BACH1: variants seen among roughly 807,000 people sequenced by gnomAD.
BACH1 encodes BTB domain and CNC homolog 1, also known as transcription regulator protein BACH1.
Under a neutral mutation model 52.9 loss-of-function variants are expected in BACH1, and 35 were observed. That is an observed-to-expected ratio of 0.66 (90% confidence interval 0.51 to 0.88). The LOEUF (loss-of-function observed/expected upper bound fraction) is 0.88, where lower values mean the gene tolerates loss of function less well. BACH1 is among the 40% of genes least tolerant of loss of function. The pLI, the probability that BACH1 is intolerant of heterozygous loss-of-function variation, is 0.00. For synonymous variants in BACH1, 321 were observed against 319.6 expected (o/e 1.00, Z -0.05); for missense variants, 808 against 872.6 (o/e 0.93, Z 0.93).
chr21:29,351,589 C>T (rs1405041054), intron 2 of BACH1: 1 of 534,256 alleles, frequency 1.9e-6, no homozygotes, highest in East Asian at 5.4e-5. Context: ...TAGAAGACCT[C>T]ATCTATTATG....
At chr21:29,333,388 G>T (rs1012278389) in intron 4 of BACH1, among the ~76,000 whole-genome samples, 1 of 152,200 alleles carries the variant, frequency 6.6e-6, no homozygotes, top group African/African-American at 2.4e-5. Flanking sequence ...TAATCTCATT[G>T]AGATGTTACT....
intron 2 of BACH1, among the ~76,000 whole-genome samples, chr21:29,356,118 A>G (rs1194943254): frequency 5.9e-5 from 9 of 152,190 alleles, no homozygotes; most frequent in African/African-American, 2.2e-4. Context: ...AAGTGGATAT[A>G]CTGGCTATTC....
intron 1 of BACH1, among the ~76,000 whole-genome samples, chr21:29,301,637 G>C (rs1425762822): frequency 3.9e-5 from 6 of 152,210 alleles, no homozygotes; most frequent in Non-Finnish European, 8.8e-5. Context: ...AAGCCCAGCG[G>C]TTGGTTTAAT....
chr21:29,313,058 A>G (rs1232726411), intron 1 of BACH1, among the ~76,000 whole-genome samples: 2 of 152,220 alleles, frequency 1.3e-5, no homozygotes, highest in Non-Finnish European at 2.9e-5. Context: ...AGGCAGGATT[A>G]AAAAGATGAC....
chr21:29,342,318 C>G, intron 4 of BACH1, 81 bp from the exon 5 acceptor site: 1 of 1,337,180 alleles, frequency 7.5e-7, no homozygotes, highest in Admixed American at 2.1e-5. Context: ...TGAGAAGCCC[C>G]TGTATATTAT....
chr21:29,326,885 C>T lies in BACH1; in HGVS notation c.1061C>T (p.Thr354Ile). The T allele has an allele frequency of 1.2e-6, 2 of 1,614,198 alleles. No homozygotes were observed. Among genetic ancestry groups the T allele is most frequent in the Non-Finnish European group, 1.7e-6 (2 of 1,180,036 alleles). The change falls in exon 3 of 5, where the codon ACA becomes ATA. Residue 354 changes from threonine to isoleucine, a missense_variant. Physicochemically the swap from Thr to Ile is moderately conservative, Grantham distance 89. Transcript: ENST00000286800. ...TTAACAGAAAAGCCTTTGTCAGGTA[C>T]AGACGTCCAAGAAAAAACATTTGGT... ...TVLTEKPLSG[T>I]DVQEKTFGES...
chr21:29,353,032 A>G (rs758384442), intron 2 of BACH1, among the ~76,000 whole-genome samples: 6 of 152,042 alleles, frequency 3.9e-5, no homozygotes, highest in Non-Finnish European at 5.9e-5. Flanking sequence ...TATTTTTAGT[A>G]GAGATGGGGT....
chr21:29,303,875 G>T (rs2088627622), intron 1 of BACH1, among the ~76,000 whole-genome samples: 1 of 152,212 alleles, frequency 6.6e-6, no homozygotes, highest in South Asian at 2.1e-4. Context: ...TGAGGAAGAA[G>T]AAATAGTGGT....
At chr21:29,342,299 C>G in intron 4 of BACH1, 100 bp from the exon 5 acceptor site, 1 of 1,184,878 alleles carries the variant, frequency 8.4e-7, no homozygotes, top group Non-Finnish European at 1.2e-6. Flanking sequence ...TCCATGTGAT[C>G]TTACTTGATG....
At chr21:29,304,563 T>A (rs2088635135) in intron 1 of BACH1, among the ~76,000 whole-genome samples, 1 of 152,200 alleles carries the variant, frequency 6.6e-6, no homozygotes, top group Non-Finnish European at 1.5e-5. Flanking sequence ...TAAAAAAGGT[T>A]TTCAATTCCT....
intron 1 of BACH1, among the ~76,000 whole-genome samples, chr21:29,306,605 A>G (rs2088660854): frequency 6.6e-6 from 1 of 152,146 alleles, no homozygotes; most frequent in South Asian, 2.1e-4. Flanking sequence ...TCGGGTTGAG[A>G]GTAGATACGT....
At chr21:29,308,237 T>C (rs1022299371) in intron 1 of BACH1, among the ~76,000 whole-genome samples, 3 of 152,220 alleles carry the variant, frequency 2.0e-5, no homozygotes, top group Non-Finnish European at 4.4e-5. Flanking sequence ...TTAGAAATGA[T>C]TATTTTGACT....
At chr21:29,299,364 G>C (rs983512866) in intron 1 of BACH1, 3 of 152,210 alleles carry the variant, frequency 2.0e-5, no homozygotes, top group Non-Finnish European at 4.4e-5. Flanking sequence ...CGCCCTCGCG[G>C]CTGGGGCCCC....
chr21:29,348,799 A>G (rs2089185853), downstream of BACH1, among the ~76,000 whole-genome samples: 1 of 152,138 alleles, frequency 6.6e-6, no homozygotes, highest in Non-Finnish European at 1.5e-5. Context: ...GAGGCGTCTT[A>G]AATCTATCTT....
intron 1 of BACH1, among the ~76,000 whole-genome samples, chr21:29,315,041 G>GT (rs1569010157): frequency 6.6e-6 from 1 of 151,962 alleles, no homozygotes; most frequent in Non-Finnish European, 1.5e-5. Context: ...CTGATGTTAA[G>GT]TTTTTTTCAG....
chr21:29,301,021 A>G (rs945657317), intron 1 of BACH1, among the ~76,000 whole-genome samples: 1 of 152,228 alleles, frequency 6.6e-6, no homozygotes, highest in African/African-American at 2.4e-5. Flanking sequence ...ATGAGTCCTC[A>G]TTGCAAACAA....
At chr21:29,307,481 C>T (rs76959362) in intron 1 of BACH1, among the ~76,000 whole-genome samples, 2,632 of 152,218 alleles carry the variant, frequency 0.017, 73 homozygotes, top group African/African-American at 0.06. Flanking sequence ...GTAGGATCCC[C>T]ACCCACTGTT....
At chr21:29,318,205 T>C (rs2088809812) in intron 1 of BACH1, among the ~76,000 whole-genome samples, 1 of 152,208 alleles carries the variant, frequency 6.6e-6, no homozygotes, top group South Asian at 2.1e-4. Flanking sequence ...TTGTGAGCTG[T>C]TATAGAAGGT....
rs986735049 is a variant in BACH1, at chr21:29,321,527, T to C, written c.234+13T>C. On this transcript the variant is annotated intron_variant, in intron 2 of 4. Coordinates refer to ENST00000286800, the MANE Select transcript of BACH1 (RefSeq NM_001186.4). ...TCTTCCAGAAGAGGTGAGAGATCCA[T>C]GTTTTTGGCAATTTTAATCTACTTT... is the stretch of plus-strand genomic sequence containing the variant. 1.2e-6 allele frequency: 2 copies of C among 1,604,718 alleles called. No homozygotes were observed. The highest frequency in any genetic ancestry group is 1.3e-5 in the African/African-American group (1 of 74,656).
Sources: allele counts gnomAD v4.1 joint callset (sites outside exome capture counted in the v4.1 genomes callset), GRCh38; gene constraint gnomAD v4.1.1; transcripts MANE v1.5; gene names NCBI Gene and HGNC (gene_info 2026-07-23, HGNC 2026-07-21).